The following PEPD variants were observed in gnomAD, a reference collection of about 807,000 sequenced individuals.
The protein encoded by PEPD is xaa-Pro dipeptidase.
PEPD carries 53 observed loss-of-function variants against 60.7 expected under a neutral mutation model. That is an observed-to-expected ratio of 0.87 (90% CI 0.70 to 1.10). The LOEUF (loss-of-function observed/expected upper bound fraction) is 1.10. Among genes scored for constraint, PEPD ranks in the 50% least tolerant of loss-of-function variants. PEPD has a pLI of 0.00. For synonymous variants in PEPD, 267 were observed against 284.1 expected, an observed-to-expected ratio of 0.94 and a Z score of 0.60; for missense variants, 711 against 711.9, an observed-to-expected ratio of 1.00 and a Z score of 0.01.
At chr19:33,468,957 G>A (rs1046842559) in intron 7 of PEPD, among the ~76,000 whole-genome samples, 3 of 152,160 alleles carry the variant, frequency 2.0e-5, no homozygotes, top group African/African-American at 7.2e-5. Context: ...ACAGGGGCCA[G>A]CAGCTCAGGC....
At chr19:33,434,974 T>C (rs894550557) in intron 9 of PEPD, among the ~76,000 whole-genome samples, 6 of 152,076 alleles carry the variant, frequency 3.9e-5, no homozygotes, top group Non-Finnish European at 8.8e-5. Context: ...GGAAGGCAGC[T>C]GGGTAGACAG....
At chr19:33,505,741 C>A (rs1970788193) in intron 3 of PEPD, among the ~76,000 whole-genome samples, 1 of 151,002 alleles carries the variant, frequency 6.6e-6, no homozygotes, top group Admixed American at 6.6e-5. Context: ...ACACCCACCA[C>A]ACCCCATCAC....
intron 6 of PEPD, 110 bp from the exon 7 acceptor site, chr19:33,478,200 C>T: frequency 1.3e-6 from 1 of 771,754 alleles, no homozygotes; most frequent in Non-Finnish European, 2.3e-6. Flanking sequence ...GGGTCCCACA[C>T]TTTAATTTCA....
chr19:33,495,664 T>G (rs953280815), intron 4 of PEPD, among the ~76,000 whole-genome samples: 10 of 152,006 alleles, frequency 6.6e-5, no homozygotes, highest in Non-Finnish European at 1.3e-4. Context: ...AGAATGGCTG[T>G]GTCCTTTGGC....
chr19:33,411,909 G>A (rs752641800), intron 10 of PEPD, among the ~76,000 whole-genome samples, 160 bp from the exon 11 acceptor site: 3 of 152,188 alleles, frequency 2.0e-5, no homozygotes, highest in Non-Finnish European at 2.9e-5. Context: ...AGGTAAGGCC[G>A]GGGGACATGG....
chr19:33,453,222 G>A (rs957926326), intron 9 of PEPD, among the ~76,000 whole-genome samples: 1 of 152,108 alleles, frequency 6.6e-6, no homozygotes, highest in Non-Finnish European at 1.5e-5. Context: ...GCTGAGGGGG[G>A]AAGGTCACTT....
chr19:33,445,942 A>AG (rs1969586102), intron 9 of PEPD, among the ~76,000 whole-genome samples: 1 of 152,210 alleles, frequency 6.6e-6, no homozygotes, highest in African/African-American at 2.4e-5. Flanking sequence ...CCGTGGCAGA[A>AG]GAGAGAAATC....
intron 9 of PEPD, among the ~76,000 whole-genome samples, chr19:33,439,878 C>T (rs1053856230): frequency 9.9e-5 from 15 of 152,152 alleles, no homozygotes; most frequent in Non-Finnish European, 2.1e-4. Context: ...AGGTGGGGTT[C>T]CAAGAAAGGT....
chr19:33,436,976 A>G (rs576892821), intron 9 of PEPD, among the ~76,000 whole-genome samples: 1 of 152,356 alleles, frequency 6.6e-6, no homozygotes, highest in Admixed American at 6.5e-5. Flanking sequence ...GTTTGATGGA[A>G]GACTTCCTGG....
chr19:33,476,363 C>A (rs1970214785), intron 7 of PEPD, among the ~76,000 whole-genome samples: 1 of 152,188 alleles, frequency 6.6e-6, no homozygotes, highest in African/African-American at 2.4e-5. Context: ...ACTCAACACA[C>A]CCCAAGTCCC....
In PEPD at chr19:33,487,929, T is replaced by G. The variant is rs544764465; in HGVS notation, c.503+2067A>C. 2.0e-3 allele frequency among the ~76,000 whole-genome samples: 300 copies of G among 151,890 alleles called. 1 individual carries two copies. The highest frequency in any genetic ancestry group is 0.01 in the Middle Eastern group (3 of 294). On this transcript the variant is annotated intron_variant, in intron 6 of 14. Transcript: ENST00000244137. The stretch of plus-strand genomic sequence containing the variant: ...TTTGCTTCCTGACACTCACTGACAG[T>G]GATGAGGGCCCTGGGGAAGCCCAGG...
At chr19:33,474,270 G>A (rs1354492156) in intron 7 of PEPD, among the ~76,000 whole-genome samples, 1 of 152,232 alleles carries the variant, frequency 6.6e-6, no homozygotes, top group Non-Finnish European at 1.5e-5. Context: ...GCAAGAGCCT[G>A]GGATCAACAG....
At chr19:33,488,657 T>C (rs949876934) in intron 6 of PEPD, among the ~76,000 whole-genome samples, 11 of 152,234 alleles carry the variant, frequency 7.2e-5, no homozygotes, top group Admixed American at 5.2e-4. Flanking sequence ...CGAAGATCTG[T>C]GCAGTGAAAA....
chr19:33,504,097 C>G (rs1013539310), intron 3 of PEPD, among the ~76,000 whole-genome samples: 2 of 152,204 alleles, frequency 1.3e-5, no homozygotes, highest in African/African-American at 4.8e-5. Flanking sequence ...GCATTGCATT[C>G]TCTTTTAAAG....
At chr19:33,520,201 C>T (rs1038819109) in intron 1 of PEPD, among the ~76,000 whole-genome samples, 4 of 152,152 alleles carry the variant, frequency 2.6e-5, no homozygotes, top group Non-Finnish European at 4.4e-5. Flanking sequence ...ATCCTGAACC[C>T]AAATGCAACC....
chr19:33,483,170 T>C (rs1312687681), intron 6 of PEPD, among the ~76,000 whole-genome samples: 1 of 152,192 alleles, frequency 6.6e-6, no homozygotes, highest in Non-Finnish European at 1.5e-5. Context: ...GAAATGCAGC[T>C]AAAGCAGTGC....
chr19:33,448,061 C>T (rs893663314), intron 9 of PEPD, among the ~76,000 whole-genome samples: 6 of 152,294 alleles, frequency 3.9e-5, no homozygotes, highest in Non-Finnish European at 7.4e-5. Flanking sequence ...GACAGCCCTT[C>T]CTGGATGAAA....
chr19:33,461,566 T>G (rs1273830729), intron 9 of PEPD, among the ~76,000 whole-genome samples: 1 of 152,208 alleles, frequency 6.6e-6, no homozygotes, highest in Non-Finnish European at 1.5e-5. Flanking sequence ...CAGCTATTCC[T>G]GCCCCAATTT....
chr19:33,447,692 A>T (rs1271352156), intron 9 of PEPD, among the ~76,000 whole-genome samples: 1 of 152,174 alleles, frequency 6.6e-6, no homozygotes, highest in Non-Finnish European at 1.5e-5. Context: ...GGGCCAGGCC[A>T]GTTTCCCTCC....
Sources: gnomAD v4.1 joint callset for allele counts (sites outside exome capture counted in the v4.1 genomes callset) on GRCh38, gnomAD v4.1.1 for gene constraint, MANE v1.5 for transcripts, NCBI Gene and HGNC (gene_info 2026-07-23, HGNC 2026-07-21) for gene names.